IL13RA1: variants seen among roughly 807,000 people sequenced by gnomAD.
The protein encoded by IL13RA1 is interleukin-13 receptor subunit alpha-1.
A neutral mutation model predicts 33.8 loss-of-function variants in IL13RA1; 14 were observed. The ratio of observed to expected loss-of-function variants is 0.41; its 90% CI spans 0.27 to 0.65. The LOEUF (loss-of-function observed/expected upper bound fraction) is 0.65, where lower values mean the gene tolerates loss of function less well. IL13RA1 is among the 30% of genes least tolerant of loss of function. IL13RA1 has a pLI of 0.28. For missense variants in IL13RA1, 313 were observed against 327.0 expected (o/e 0.96, Z 0.33); for synonymous variants, 116 against 115.7 (o/e 1.00, Z -0.02).
At chrX:118,804,503 G>A in the IL13RA1 span, among the ~76,000 whole-genome samples, 1 of 110,947 alleles carries the variant, frequency 9.0e-6, no homozygotes, top group Non-Finnish European at 1.9e-5. Flanking sequence ...TCTGTGTTGT[G>A]TAATTTTTTC....
At chrX:118,796,599 A>G (rs1368744062), downstream of IL13RA1, among the ~76,000 whole-genome samples, 1 of 111,672 alleles carries the variant, frequency 9.0e-6, no homozygotes, top group African/African-American at 3.3e-5. Context: ...GTGCAATGGC[A>G]CAATCTCAGT....
At chrX:118,769,990 C>T in intron 8 of IL13RA1, 1 of 218,139 alleles carries the variant, frequency 4.6e-6, no homozygotes, top group Non-Finnish European at 8.5e-6. Context: ...AGTACAACTA[C>T]ACCGGCGACC....
At chrX:118,768,868 A>G (rs2017679200) in intron 8 of IL13RA1, among the ~76,000 whole-genome samples, 1 of 111,834 alleles carries the variant, frequency 8.9e-6, no homozygotes, top group South Asian at 3.7e-4. Flanking sequence ...TTCATTTTGG[A>G]TTTCTAGCCT....
intron 10 of IL13RA1, among the ~76,000 whole-genome samples, chrX:118,780,139 G>C (rs1401318618): frequency 9.0e-6 from 1 of 111,638 alleles, no homozygotes; most frequent in Non-Finnish European, 1.9e-5. Context: ...AAGGGTAAGA[G>C]AACAAATTTT....
At chrX:118,759,983 G>T (rs964904066) in intron 5 of IL13RA1, among the ~76,000 whole-genome samples, 11 of 110,834 alleles carry the variant, frequency 9.9e-5, no homozygotes, top group African/African-American at 3.6e-4. Context: ...ATGTTTCGCA[G>T]GCTGGTCTCA....
chrX:118,799,046 C>G (rs1433773611), downstream of IL13RA1, among the ~76,000 whole-genome samples: 1 of 112,623 alleles, frequency 8.9e-6, no homozygotes, highest in African/African-American at 3.2e-5. Context: ...GGCCCGCACT[C>G]GGAGCAGCCA....
chrX:118,748,386 A>G (rs2017434743), intron 3 of IL13RA1, among the ~76,000 whole-genome samples: 1 of 102,720 alleles, frequency 9.7e-6, no homozygotes, highest in East Asian at 3.0e-4. Context: ...AAAAACGGCT[A>G]GATGCAGTGG....
intron 3 of IL13RA1, among the ~76,000 whole-genome samples, chrX:118,748,053 CAT>C (rs1301648644): frequency 1.7e-4 from 16 of 94,187 alleles, no homozygotes; most frequent in Admixed American, 2.4e-4. Flanking sequence ...ACACAAAAAA[CAT>C]ATATATATAA....
At chrX:118,758,013 T>G (rs779003406) in intron 4 of IL13RA1, 42 bp from the exon 5 acceptor site, 1 of 892,259 alleles carries the variant, frequency 1.1e-6, no homozygotes, top group African/African-American at 2.0e-5. Flanking sequence ...TTGAATACTC[T>G]GTTGAATATA....
rs146602913 is a variant in IL13RA1, at chrX:118,782,255, T to G, written c.1191+5744T>G. ...ACTCAGCTAATTTTTAAATTTCTTT[T>G]GTAGAGACAAGGTCTCACTATGTTG... is the stretch of plus-strand genomic sequence containing the variant. On this transcript the variant is annotated intron_variant, in intron 10 of 10. Transcript: ENST00000371666. Among the ~76,000 whole-genome samples the G allele has an allele frequency of 3.8e-3, 419 of 110,995 alleles. 6 individuals are homozygous for G. The South Asian group carries it at 0.048, about 13-fold the overall frequency.
intron 2 of IL13RA1, among the ~76,000 whole-genome samples, chrX:118,746,024 A>T (rs2017400342): frequency 8.9e-6 from 1 of 111,984 alleles, no homozygotes; most frequent in Non-Finnish European, 1.9e-5. Flanking sequence ...CATATATATG[A>T]GGTAGTCAAA....
chrX:118,769,314 A>G (rs1396733938), intron 8 of IL13RA1, among the ~76,000 whole-genome samples: 5 of 112,499 alleles, frequency 4.4e-5, no homozygotes, highest in African/African-American at 1.6e-4. Context: ...ATGACAGTCT[A>G]TATGTTAGAT....
chrX:118,749,645 C>T lies in IL13RA1; in HGVS notation c.368-13C>T. 1.7e-6 allele frequency: 2 copies of T among 1,206,571 alleles called. No homozygotes were observed. Among genetic ancestry groups the T allele is most frequent in the Non-Finnish European group, 2.2e-6 (2 of 890,943 alleles). On this transcript the variant is annotated splice_polypyrimidine_tract_variant and intron_variant, in intron 3 of 10. Transcript: ENST00000371666. ...GAAAGAAGGGTCTTAAACTCTTGGC[C>T]TGGATATTCTAGGTGATCCTGAGTC...
chrX:118,779,361 C>T (rs2017817743), intron 10 of IL13RA1, among the ~76,000 whole-genome samples: 1 of 111,480 alleles, frequency 9.0e-6, no homozygotes, highest in Non-Finnish European at 1.9e-5. Context: ...TGAAACATAA[C>T]AATTGAGAAT....
At chrX:118,796,614 C>G (rs373798727), downstream of IL13RA1, among the ~76,000 whole-genome samples, 81 of 111,485 alleles carry the variant, frequency 7.3e-4, no homozygotes, top group African/African-American at 2.6e-3. Flanking sequence ...CTCAGTTCAC[C>G]ACAACCTCTG....
chrX:118,747,747 G>A (rs1300961838), intron 3 of IL13RA1, among the ~76,000 whole-genome samples: 1 of 110,580 alleles, frequency 9.0e-6, no homozygotes, highest in African/African-American at 3.3e-5. Context: ...TGTCCTTCTG[G>A]CTCTTATGTT....
chrX:118,761,465 G>C (rs2017589870), intron 6 of IL13RA1, 176 bp downstream of exon 6: 2 of 318,179 alleles, frequency 6.3e-6, no homozygotes, highest in Admixed American at 1.2e-4. Flanking sequence ...TGGTATGATA[G>C]TATCAGCTGC....
At chrX:118,767,970 C>T (rs951167836) in intron 8 of IL13RA1, among the ~76,000 whole-genome samples, 45 of 111,785 alleles carry the variant, frequency 4.0e-4, no homozygotes, top group African/African-American at 1.3e-3. Context: ...GGAATCTATC[C>T]TTGAAAGGAT....
intron 10 of IL13RA1, among the ~76,000 whole-genome samples, chrX:118,777,900 A>AG (rs1303361841): frequency 2.7e-5 from 3 of 112,150 alleles, no homozygotes; most frequent in Admixed American, 1.9e-4. Context: ...AATTTAGGGA[A>AG]GTAGTACTGC....
Sources: gnomAD v4.1 joint callset for allele counts (sites outside exome capture counted in the v4.1 genomes callset) on GRCh38, gnomAD v4.1.1 for gene constraint, MANE v1.5 for transcripts, NCBI Gene and HGNC (gene_info 2026-07-23, HGNC 2026-07-21) for gene names.